Variants in SPAG16 observed in about 807,000 individuals in gnomAD.
SPAG16 encodes sperm-associated antigen 16 protein.
Under a neutral mutation model 80.4 loss-of-function variants are expected in SPAG16, and 86 were observed. The observed-to-expected ratio is 1.07, with a 90% CI of 0.90 to 1.28. The LOEUF (loss-of-function observed/expected upper bound fraction) is 1.28, where lower values mean the gene tolerates loss of function less well. Among genes scored for constraint, SPAG16 ranks in the 50% most tolerant of loss-of-function variants. The pLI, the probability that SPAG16 is intolerant of heterozygous loss-of-function variation, is 0.00. For missense variants in SPAG16, 870 were observed against 765.3 expected (o/e 1.14, Z -1.61); for synonymous variants, 294 against 265.9 (o/e 1.11, Z -1.03).
intron 9 of SPAG16, among the ~76,000 whole-genome samples, chr2:213,455,579 A>G (rs1284342811): frequency 1.3e-5 from 2 of 152,008 alleles, no homozygotes; most frequent in African/African-American, 4.8e-5. Context: ...ATGGAAGACA[A>G]TTTTTTCATG....
chr2:214,304,783 G>A (rs1171486722), intron 15 of SPAG16, among the ~76,000 whole-genome samples: 1 of 152,104 alleles, frequency 6.6e-6, no homozygotes, highest in African/African-American at 2.4e-5. Flanking sequence ...ATCATTGATG[G>A]GCATTTAGGT....
chr2:214,345,619 C>T (rs10166816), intron 15 of SPAG16, among the ~76,000 whole-genome samples: 84,970 of 151,884 alleles, frequency 0.56, 28,319 homozygotes, highest in Non-Finnish European at 0.74. Context: ...CATAAATATA[C>T]CCCTGAAACC....
intron 9 of SPAG16, among the ~76,000 whole-genome samples, chr2:213,392,864 T>C (rs1001542196): frequency 1.3e-5 from 2 of 151,074 alleles, no homozygotes; most frequent in Admixed American, 6.6e-5. Flanking sequence ...AAAAAAACAG[T>C]GTTGAATATC....
chr2:214,340,869 C>T (rs1009976135), intron 15 of SPAG16, among the ~76,000 whole-genome samples: 1 of 152,028 alleles, frequency 6.6e-6, no homozygotes, highest in African/African-American at 2.4e-5. Flanking sequence ...TAACTGGCAA[C>T]CAGATAAAAT....
At chr2:213,980,097 A>G (rs2045617560) in intron 12 of SPAG16, among the ~76,000 whole-genome samples, 1 of 151,410 alleles carries the variant, frequency 6.6e-6, no homozygotes, top group Admixed American at 6.6e-5. Flanking sequence ...GTGGCCTGTA[A>G]TCCCAGCACT....
intron 15 of SPAG16, among the ~76,000 whole-genome samples, chr2:214,320,202 G>A (rs545445064): frequency 6.6e-6 from 1 of 152,112 alleles, no homozygotes; most frequent in Admixed American, 6.5e-5. Context: ...GTTTTCTTTG[G>A]GTCCTTAGTT....
At chr2:213,652,647 A>G (rs2063064465) in intron 10 of SPAG16, among the ~76,000 whole-genome samples, 3 of 152,170 alleles carry the variant, frequency 2.0e-5, no homozygotes, top group Admixed American at 2.0e-4. Context: ...AGCTAATTAT[A>G]TCAGACATTT....
intron 11 of SPAG16, among the ~76,000 whole-genome samples, chr2:213,874,779 A>C (rs1425514478): frequency 6.6e-6 from 1 of 152,062 alleles, no homozygotes; most frequent in Non-Finnish European, 1.5e-5. Context: ...GCCAAAGCTC[A>C]GAGGGAGGGA....
At chr2:214,275,012 G>T (rs984602917) in intron 15 of SPAG16, among the ~76,000 whole-genome samples, 1 of 151,994 alleles carries the variant, frequency 6.6e-6, no homozygotes, top group African/African-American at 2.4e-5. Flanking sequence ...ACTTCTTCCT[G>T]GTTTAGTGTT....
intron 12 of SPAG16, among the ~76,000 whole-genome samples, chr2:213,983,628 C>T (rs1030307412): frequency 6.6e-6 from 1 of 151,950 alleles, no homozygotes; most frequent in Non-Finnish European, 1.5e-5. Flanking sequence ...GCATTATCTA[C>T]AAACAATATG....
At chr2:213,857,723 A>G (rs2075237718) in intron 10 of SPAG16, among the ~76,000 whole-genome samples, 2 of 152,190 alleles carry the variant, frequency 1.3e-5, no homozygotes, top group South Asian at 4.1e-4. Flanking sequence ...TTCAATTCTT[A>G]TTTTTTAAAA....
intron 10 of SPAG16, among the ~76,000 whole-genome samples, chr2:213,799,772 T>C (rs780418280): frequency 1.3e-5 from 2 of 152,118 alleles, no homozygotes; most frequent in African/African-American, 4.8e-5. Context: ...TCAAGCCAAA[T>C]TGTTTTGTAT....
chr2:213,996,011 A>G (rs890279967), intron 12 of SPAG16, among the ~76,000 whole-genome samples: 2 of 152,222 alleles, frequency 1.3e-5, no homozygotes, highest in Non-Finnish European at 1.5e-5. Flanking sequence ...TTTCAGAGAT[A>G]ACTAGCATGA....
chr2:213,575,438 T>C (rs1038872291), intron 10 of SPAG16, among the ~76,000 whole-genome samples: 2 of 152,154 alleles, frequency 1.3e-5, no homozygotes, highest in Admixed American at 1.3e-4. Flanking sequence ...TTGACTTTTT[T>C]ATTCATTTGA....
At chr2:213,348,740 G>A (rs1401362947) in intron 6 of SPAG16, among the ~76,000 whole-genome samples, 1 of 152,194 alleles carries the variant, frequency 6.6e-6, no homozygotes, top group African/African-American at 2.4e-5. Context: ...TTTCTGCCAG[G>A]AGATCAGCTG....
At chr2:214,211,606 C>T (rs2058295559) in intron 15 of SPAG16, among the ~76,000 whole-genome samples, 2 of 152,146 alleles carry the variant, frequency 1.3e-5, no homozygotes, top group South Asian at 2.1e-4. Context: ...TCTTCACTGC[C>T]TTCTTGTGGT....
At chr2:214,322,542 C>A (rs997255430) in intron 15 of SPAG16, among the ~76,000 whole-genome samples, 3 of 147,186 alleles carry the variant, frequency 2.0e-5, no homozygotes, top group African/African-American at 4.9e-5. Flanking sequence ...AAATTGAAAG[C>A]AAAATGTATT....
Position 213,297,331 on chromosome 2 carries a change from G to T in SPAG16, c.253G>T (p.Glu85Ter), listed in dbSNP as rs749267340. Residue 85 changes from glutamate (E) to a stop codon, truncating the protein, a stop_gained, in exon 3 of 16, where the codon GAA becomes TAA. Coordinates refer to ENST00000331683, the MANE Select transcript of SPAG16 (RefSeq NM_024532.5). LOFTEE classifies it high-confidence loss of function. ...DLAKAIQMAQ[E>*]QATDTEILER... The stretch of plus-strand genomic sequence containing the variant: ...GGCAAAAGCAATTCAGATGGCCCAA[G>T]AACAGGCTACAGATACTGAAATTTT... The T allele has an allele frequency of 3.0e-5, 48 of 1,612,172 alleles. No individual in the cohort carries two copies. Among genetic ancestry groups the T allele is most frequent in the Non-Finnish European group, 3.9e-5 (46 of 1,178,888 alleles).
intron 15 of SPAG16, among the ~76,000 whole-genome samples, chr2:214,215,643 T>G (rs904410573): frequency 1.3e-5 from 2 of 152,194 alleles, no homozygotes; most frequent in Non-Finnish European, 2.9e-5. Flanking sequence ...GTGTGAACTC[T>G]TGTCAAGCAA....
Sources: gnomAD v4.1 joint callset for allele counts (sites outside exome capture counted in the v4.1 genomes callset) on GRCh38, gnomAD v4.1.1 for gene constraint, MANE v1.5 for transcripts, NCBI Gene and HGNC (gene_info 2026-07-23, HGNC 2026-07-21) for gene names.